The following RGMA variants were observed in gnomAD, a reference collection of about 807,000 sequenced individuals.
RGMA encodes repulsive guidance molecule A.
A neutral mutation model predicts 23.2 loss-of-function variants in RGMA; 10 were observed. The observed-to-expected ratio is 0.43, with a 90% CI of 0.27 to 0.73. RGMA has a LOEUF of 0.73. Among genes scored for constraint, RGMA ranks in the 30% least tolerant of loss-of-function variants. The probability of loss-of-function intolerance (pLI) is 0.20; values close to 1 mark genes in which losing one functional copy is unlikely to be tolerated. For synonymous variants in RGMA, 308 were observed against 279.3 expected, an observed-to-expected ratio of 1.10 and a Z score of -1.03; for missense variants, 547 against 630.5, an observed-to-expected ratio of 0.87 and a Z score of 1.42.
intron 1 of RGMA, chr15:93,073,947 G>A: frequency 1.4e-6 from 2 of 1,428,324 alleles, no homozygotes; most frequent in Admixed American, 2.9e-5. Flanking sequence ...GGCGCTCTCT[G>A]CGAGGCCCGC....
chr15:93,049,370 A>T (rs1271375199), intron 3 of RGMA, among the ~76,000 whole-genome samples: 1 of 152,182 alleles, frequency 6.6e-6, no homozygotes. Context: ...AAAACTAACC[A>T]GCGGGGAAAG....
At chr15:93,066,346 G>A (rs1895149490) in intron 2 of RGMA, 2 of 776,012 alleles carry the variant, frequency 2.6e-6, no homozygotes, top group African/African-American at 1.7e-5. Flanking sequence ...ACAGTGCCCA[G>A]GACTCGGAGT....
intron 3 of RGMA, among the ~76,000 whole-genome samples, chr15:93,047,818 G>A (rs1189867140): frequency 6.6e-6 from 1 of 152,234 alleles, no homozygotes; most frequent in Non-Finnish European, 1.5e-5. Context: ...TGGCCTAACA[G>A]CAGATGTGTG....
intron 2 of RGMA, chr15:93,065,917 C>T (rs572351523): frequency 2.1e-5 from 15 of 723,742 alleles, no homozygotes; most frequent in Admixed American, 5.8e-5. Flanking sequence ...GCTGGGGGGC[C>T]GAGGGACTCG....
intron 1 of RGMA, among the ~76,000 whole-genome samples, chr15:93,087,510 A>G (rs2141852101): frequency 6.9e-6 from 1 of 145,866 alleles, no homozygotes; most frequent in African/African-American, 2.5e-5. Flanking sequence ...TGGGTACACT[A>G]TTCTGTTCCT....
chr15:93,072,267 G>A (rs1041669555), intron 2 of RGMA, among the ~76,000 whole-genome samples: 2 of 152,208 alleles, frequency 1.3e-5, no homozygotes, highest in Non-Finnish European at 2.9e-5. Flanking sequence ...AAAACTATGG[G>A]GGATTCATTG....
rs2054940895 is a variant in RGMA at position 93,052,404 on chromosome 15, G to A, written c.234C>T (p.Ala78=). ...GCGTGCACAGGGCGTAGCTGCGCAAGGCTGCACAGAACTCGGGGGTGTCGT... is the reference window on the plus strand; with the variant it reads ...GCGTGCACAGGGCGTAGCTGCGCAAAGCTGCACAGAACTCGGGGGTGTCGT... ...ASDDTPEFCA[A]LRSYALCTRR... Residue 78 remains alanine, a synonymous_variant, in exon 3 of 4, where the codon GCC becomes GCT. Transcript: ENST00000329082. 2 of 1,599,318 alleles carry A rather than the reference G, an allele frequency of 1.3e-6. No individual in the cohort carries two copies. The highest frequency in any genetic ancestry group is 4.5e-5 in the East Asian group (2 of 44,850).
chr15:93,049,184 A>T (rs2054877664), intron 3 of RGMA, among the ~76,000 whole-genome samples: 1 of 152,072 alleles, frequency 6.6e-6, no homozygotes, highest in South Asian at 2.1e-4. Flanking sequence ...TTTCCACTGC[A>T]CCGGGCACGA....
intron 2 of RGMA, among the ~76,000 whole-genome samples, chr15:93,071,719 C>G (rs1234308420): frequency 6.6e-6 from 1 of 152,268 alleles, no homozygotes; most frequent in Non-Finnish European, 1.5e-5. Context: ...CCAGTTTTGC[C>G]AGTTCCTTGA....
At chr15:93,079,681 A>T (rs1000107740) in intron 1 of RGMA, among the ~76,000 whole-genome samples, 1 of 152,296 alleles carries the variant, frequency 6.6e-6, no homozygotes, top group East Asian at 1.9e-4. Context: ...TTAGCCAGGC[A>T]TGGCAGTGGG....
chr15:93,088,127 T>A (rs1447833527), intron 1 of RGMA, among the ~76,000 whole-genome samples: 3 of 152,106 alleles, frequency 2.0e-5, no homozygotes, highest in African/African-American at 7.2e-5. Context: ...GCTCACAGGC[T>A]CCCATTAGAA....
intron 1 of RGMA, among the ~76,000 whole-genome samples, chr15:93,081,971 G>A (rs1251275794): frequency 1.3e-5 from 2 of 152,214 alleles, no homozygotes; most frequent in Non-Finnish European, 2.9e-5. Flanking sequence ...AATATAGCAT[G>A]CTGGGCTAAG....
intron 1 of RGMA, among the ~76,000 whole-genome samples, chr15:93,081,499 T>C (rs1895558455): frequency 6.6e-6 from 1 of 152,198 alleles, no homozygotes; most frequent in South Asian, 2.1e-4. Flanking sequence ...AAAGCAGCTT[T>C]TGGGTATGCA....
chr15:93,066,867 C>A (rs1435670143), intron 2 of RGMA, among the ~76,000 whole-genome samples: 1 of 152,178 alleles, frequency 6.6e-6, no homozygotes, highest in Non-Finnish European at 1.5e-5. Flanking sequence ...GGGCTCAGGG[C>A]AGGAGTCTGG....
At chr15:93,062,188 C>T (rs1408487607) in intron 2 of RGMA, among the ~76,000 whole-genome samples, 1 of 152,202 alleles carries the variant, frequency 6.6e-6, no homozygotes, top group Non-Finnish European at 1.5e-5. Context: ...TGGGAACTGC[C>T]TGAGTTCAAT....
chr15:93,057,458 G>A (rs1567185118), intron 2 of RGMA, among the ~76,000 whole-genome samples: 1 of 152,128 alleles, frequency 6.6e-6, no homozygotes, highest in Admixed American at 6.5e-5. Context: ...GATATAATGA[G>A]AAGTCCACAG....
At chr15:93,066,552 TG>T in intron 2 of RGMA, 1 of 476,042 alleles carries the variant, frequency 2.1e-6, no homozygotes, top group Admixed American at 2.5e-5. Flanking sequence ...ACCTGCTTTC[TG>T]GGGCTTCCCT....
At chr15:93,082,647 G>A (rs968376902) in intron 1 of RGMA, among the ~76,000 whole-genome samples, 2 of 152,182 alleles carry the variant, frequency 1.3e-5, no homozygotes, top group African/African-American at 2.4e-5. Flanking sequence ...TATGTTTAGA[G>A]ATATACTGTT....
At chr15:93,068,071 A>G (rs1895213707) in intron 2 of RGMA, among the ~76,000 whole-genome samples, 1 of 152,130 alleles carries the variant, frequency 6.6e-6, no homozygotes, top group African/African-American at 2.4e-5. Flanking sequence ...AGGGGACAGG[A>G]GAGGATAAAA....
Sources: allele counts gnomAD v4.1 joint callset (sites outside exome capture counted in the v4.1 genomes callset), GRCh38; gene constraint gnomAD v4.1.1; transcripts MANE v1.5; gene names NCBI Gene and HGNC (gene_info 2026-07-23, HGNC 2026-07-21).